Variants in DHX32 observed in about 807,000 individuals in gnomAD.
The protein encoded by DHX32 is putative pre-mRNA-splicing factor ATP-dependent RNA helicase DHX32.
Under a neutral mutation model 70.0 loss-of-function variants are expected in DHX32, and 51 were observed. The ratio of observed to expected loss-of-function variants is 0.73; its 90% CI spans 0.58 to 0.92. The LOEUF is 0.92. Among genes scored for constraint, DHX32 ranks in the 40% least tolerant of loss-of-function variants. DHX32 has a pLI of 0.00. For missense variants in DHX32, 762 were observed against 891.8 expected (o/e 0.85, Z 1.85); for synonymous variants, 310 against 315.3 (o/e 0.98, Z 0.18).
intron 6 of DHX32, among the ~76,000 whole-genome samples, chr10:125,844,537 A>T (rs767581017): frequency 6.6e-6 from 1 of 152,256 alleles, no homozygotes; most frequent in Non-Finnish European, 1.5e-5. Flanking sequence ...TATTAGAAAG[A>T]ATGAGTTAAT....
At chr10:125,867,584 A>G (rs1350070479) in intron 1 of DHX32, among the ~76,000 whole-genome samples, 1 of 152,016 alleles carries the variant, frequency 6.6e-6, no homozygotes, top group Non-Finnish European at 1.5e-5. Flanking sequence ...AAAATACAAA[A>G]AATTAGCTAG....
At chr10:125,879,031 T>C (rs1944301921) in intron 1 of DHX32, among the ~76,000 whole-genome samples, 1 of 140,510 alleles carries the variant, frequency 7.1e-6, no homozygotes, top group Non-Finnish European at 1.5e-5. Context: ...TTTTTTTTTT[T>C]TTTTTTTTTT....
chr10:125,878,883 A>AT (rs1944300000), intron 1 of DHX32, among the ~76,000 whole-genome samples: 1 of 149,450 alleles, frequency 6.7e-6, no homozygotes, highest in Non-Finnish European at 1.5e-5. Context: ...TAATTTTTGT[A>AT]TTTTTTAGTA....
chr10:125,895,905 G>A (rs1398820416), intron 1 of DHX32, among the ~76,000 whole-genome samples: 1 of 152,422 alleles, frequency 6.6e-6, no homozygotes, highest in East Asian at 1.9e-4. Flanking sequence ...GGCTCGCATT[G>A]CTCCACGCTT....
rs150668534 is a variant in DHX32 at position 125,855,896 on chromosome 10, C to G, written c.850-1693G>C. On this transcript the variant is annotated intron_variant, in intron 3 of 10. Coordinates refer to ENST00000284690, the MANE Select transcript of DHX32 (RefSeq NM_018180.3). Reference sequence around the variant, plus strand: ...TGAATTCTTCGGTCTAATGCTCTCTCACTGAGCTATTTTGGCTGTCTTGTA... The same window carrying G: ...TGAATTCTTCGGTCTAATGCTCTCTGACTGAGCTATTTTGGCTGTCTTGTA... Among the ~76,000 whole-genome samples the G allele has an allele frequency of 2.0e-4, 31 of 152,334 alleles. 1 individual carries two copies. Among genetic ancestry groups the G allele is most frequent in the African/African-American group, 7.2e-4 (30 of 41,572 alleles).
chr10:125,862,583 T>G (rs1944196967), intron 2 of DHX32, among the ~76,000 whole-genome samples: 1 of 152,120 alleles, frequency 6.6e-6, no homozygotes, highest in Non-Finnish European at 1.5e-5. Flanking sequence ...TGTAAATACA[T>G]CTAGGCTTAA....
upstream of DHX32, among the ~76,000 whole-genome samples, chr10:125,882,340 A>C (rs1176304664): frequency 6.6e-6 from 1 of 152,234 alleles, no homozygotes; most frequent in Non-Finnish European, 1.5e-5. Flanking sequence ...TTATTGCTTT[A>C]GATGGTTGGA....
At chr10:125,886,158 C>G (rs542276284), upstream of DHX32, among the ~76,000 whole-genome samples, 48 of 152,394 alleles carry the variant, frequency 3.1e-4, no homozygotes, top group South Asian at 9.5e-3. Flanking sequence ...GGTGTTCACC[C>G]TTCTGTATGT....
chr10:125,888,383 A>AT, intron 1 of DHX32, among the ~76,000 whole-genome samples: 1 of 151,878 alleles, frequency 6.6e-6, no homozygotes, highest in South Asian at 2.1e-4. Context: ...TTATTTTTTT[A>AT]TTTTTGTAGA....
chr10:125,853,235 C>T, intron 4 of DHX32: 3 of 1,605,056 alleles, frequency 1.9e-6, no homozygotes, highest in Non-Finnish European at 2.6e-6. Context: ...TGGAATTGCT[C>T]TGTCATAATA....
At chr10:125,882,341 G>A (rs190339940), upstream of DHX32, among the ~76,000 whole-genome samples, 1 of 152,292 alleles carries the variant, frequency 6.6e-6, no homozygotes, top group East Asian at 1.9e-4. Flanking sequence ...TATTGCTTTA[G>A]ATGGTTGGAG....
At chr10:125,860,143 C>CA (rs1270015356) in intron 2 of DHX32, among the ~76,000 whole-genome samples, 168 bp from the exon 3 acceptor site, 19 of 151,832 alleles carry the variant, frequency 1.3e-4, no homozygotes, top group Admixed American at 1.1e-3. Context: ...AATTATAGCA[C>CA]AAAAAAACAC....
At chr10:125,842,297 C>T (rs916764553) in intron 6 of DHX32, 3 of 200,854 alleles carry the variant, frequency 1.5e-5, no homozygotes, top group Admixed American at 6.2e-5. Context: ...ACACACAGAT[C>T]TAAGTCGGGG....
chr10:125,850,476 G>C (rs1944076584), intron 6 of DHX32, among the ~76,000 whole-genome samples: 1 of 150,316 alleles, frequency 6.7e-6, no homozygotes, highest in Non-Finnish European at 1.5e-5. Flanking sequence ...TCCTGCCTCA[G>C]CCTCCCAAGT....
At chr10:125,838,437 C>T (rs777020876) in intron 9 of DHX32, 50 bp from the exon 10 acceptor site, 1 of 1,446,248 alleles carries the variant, frequency 6.9e-7, no homozygotes, top group Admixed American at 2.5e-5. Flanking sequence ...ATATGGAGAT[C>T]ATTATACAAA....
intron 1 of DHX32, among the ~76,000 whole-genome samples, chr10:125,872,269 T>C (rs1221045704): frequency 1.3e-5 from 2 of 152,206 alleles, no homozygotes; most frequent in Non-Finnish European, 1.5e-5. Flanking sequence ...TACCCCATAG[T>C]TCCTCTTTGG....
At chr10:125,889,868 T>C (rs1944359676) in intron 1 of DHX32, among the ~76,000 whole-genome samples, 1 of 152,304 alleles carries the variant, frequency 6.6e-6, no homozygotes, top group Admixed American at 6.5e-5. Context: ...GGGTTTACTT[T>C]ATTATTTCCA....
At chr10:125,892,207 C>T (rs534823860) in intron 1 of DHX32, among the ~76,000 whole-genome samples, 64 of 152,334 alleles carry the variant, frequency 4.2e-4, no homozygotes, top group African/African-American at 1.5e-3. Context: ...CCTATATCAC[C>T]AAGATCTGCC....
chr10:125,856,939 A>T (rs1237714307), intron 3 of DHX32, among the ~76,000 whole-genome samples: 1 of 152,234 alleles, frequency 6.6e-6, no homozygotes, highest in Non-Finnish European at 1.5e-5. Context: ...TAGGCAACAT[A>T]GTGAGGTCCT....
Sources: gnomAD v4.1 joint callset for allele counts (sites outside exome capture counted in the v4.1 genomes callset) on GRCh38, gnomAD v4.1.1 for gene constraint, MANE v1.5 for transcripts, NCBI Gene and HGNC (gene_info 2026-07-23, HGNC 2026-07-21) for gene names.